Variants in CSNK1D observed in about 807,000 individuals in gnomAD.
CSNK1D encodes the protein casein kinase 1 delta, also known as casein kinase I isoform delta.
In CSNK1D, 16 loss-of-function variants were observed where a neutral mutation model predicts 46.6. That is an observed-to-expected ratio of 0.34 (90% CI 0.23 to 0.52). The LOEUF (loss-of-function observed/expected upper bound fraction) is 0.52. Among genes scored for constraint, CSNK1D ranks in the 20% least tolerant of loss-of-function variants. The pLI is 0.95. For synonymous variants in CSNK1D, 276 were observed against 228.2 expected (o/e 1.21, Z -1.89); for missense variants, 398 against 578.4 (o/e 0.69, Z 3.20).
downstream of CSNK1D, among the ~76,000 whole-genome samples, chr17:82,240,640 C>T (rs1239816863): frequency 6.6e-6 from 1 of 152,206 alleles, no homozygotes; most frequent in Non-Finnish European, 1.5e-5. Context: ...TCGTCTGCCC[C>T]ACTCTGGTCC....
In CSNK1D at chr17:82,272,601, T is replaced by C. The variant is rs2051657280; in HGVS notation, c.76+705A>G. Among the ~76,000 whole-genome samples, 3 of 152,214 alleles carry C rather than the reference T, an allele frequency of 2.0e-5. No individual in the cohort carries two copies. In the South Asian group the frequency reaches 6.2e-4, roughly 32 times the overall value. ...TTCACCTAAACTTAACCCTTGCTCA[T>C]TTGCACTCAGTCACCGCTCCAAGGC... On this transcript the variant is annotated intron_variant, in intron 1 of 8. Transcript: ENST00000314028.
chr17:82,239,097 G>A (rs2050697603), downstream of CSNK1D: 1 of 950,850 alleles, frequency 1.1e-6, no homozygotes, highest in Non-Finnish European at 1.5e-6. Context: ...TGCCGGCCCA[G>A]CGGATCGTCG....
chr17:82,242,216 G>A (rs112967906), downstream of CSNK1D, among the ~76,000 whole-genome samples: 36 of 151,850 alleles, frequency 2.4e-4, no homozygotes, highest in Admixed American at 1.6e-3. Context: ...GTGCTCTGGG[G>A]GGGGGGGGAA....
Position 82,249,145 on chromosome 17 carries a change from G to T in CSNK1D, c.1058-131C>A. On this transcript the variant is annotated intron_variant, in intron 7 of 8. Transcript: ENST00000314028. The surrounding 1 kb of genome is among the most constrained non-coding windows in gnomAD (Gnocchi z 6.7). ...AGTCAGGACCTGGCTGTGGCCGATG[G>T]CCACCAACACTCAGATCCGGCCGGA... 1 of 1,152,638 alleles carries T rather than the reference G, an allele frequency of 8.7e-7. No homozygotes were observed. Among genetic ancestry groups the T allele is most frequent in the Non-Finnish European group, 1.2e-6 (1 of 823,288 alleles). 71.4% of individuals were successfully genotyped at this position (1,152,638 alleles called of 1,614,324 possible). A position where few individuals can be genotyped will look rare whatever the true frequency, so the allele number is the denominator to read the frequency against.
Position 82,244,002 on chromosome 17 carries a change from C to A in CSNK1D, c.*779G>T, listed in dbSNP as rs1187082557. ...GCTTTGCCTGGTAACACCCACTGCA[C>A]CCCTGCCCCGCGGCAGCCTGCGGTC... On this transcript the variant is annotated 3_prime_UTR_variant, in exon 9 of 9. Transcript: ENST00000314028. The A allele has an allele frequency of 1.0e-6, 1 of 987,164 alleles. No homozygotes were observed. Among genetic ancestry groups the A allele is most frequent in the African/African-American group, 1.7e-5 (1 of 57,230 alleles). 61.2% of individuals were successfully genotyped at this position (987,164 alleles called of 1,614,324 possible).
Position 82,253,261 on chromosome 17 carries a change from G to A in CSNK1D, c.337-17C>T, listed in dbSNP as rs1363654723. ...GCGACTGATCTGTGAGCAGAGCAAG[G>A]GCGCGAGATGGCACCCCAGGGCAGT... On this transcript the variant is annotated splice_polypyrimidine_tract_variant and intron_variant, in intron 3 of 8. Coordinates refer to ENST00000314028, the MANE Select transcript of CSNK1D (RefSeq NM_001893.6). 6 of 1,600,292 alleles carry A rather than the reference G, an allele frequency of 3.7e-6. No homozygotes were observed. In the South Asian group the frequency reaches 5.5e-5, roughly 15 times the overall value.
intron 8 of CSNK1D, chr17:82,245,069 C>T (rs988203031): frequency 4.8e-6 from 3 of 620,098 alleles, no homozygotes; most frequent in East Asian, 5.5e-5. Flanking sequence ...GCCCGCGGAG[C>T]CGGGCTCGGC....
chr17:82,265,613 C>G lies in CSNK1D; in HGVS notation c.187+73G>C, dbSNP rs929907523. The G allele has an allele frequency of 8.3e-6, 10 of 1,208,390 alleles. No individual in the cohort carries two copies. The South Asian group carries it at 1.1e-4, about 13-fold the overall frequency. The allele number at this position is 1,208,390 out of a possible 1,614,324, so 74.9% of individuals were successfully genotyped here. A position where few individuals can be genotyped will look rare whatever the true frequency, so the allele number is the denominator to read the frequency against. On this transcript the variant is annotated intron_variant, in intron 2 of 8. Transcript: ENST00000314028. ...GAACCAGTTTTGGGTTTATTTTAAC[C>G]AGCAATGCTGAGTTGCTGTTCTCCC...
At chr17:82,253,661 T>C in intron 3 of CSNK1D, 1 of 350,008 alleles carries the variant, frequency 2.9e-6, no homozygotes, top group Non-Finnish European at 5.5e-6. Context: ...GCTATGCTGG[T>C]ACCGAGAAGG....
In CSNK1D at chr17:82,251,460, G is replaced by A; in HGVS notation, c.804C>T (p.Tyr268=). 1 of 1,614,166 alleles carries A rather than the reference G, an allele frequency of 6.2e-7. No homozygotes were observed. The highest frequency in any genetic ancestry group is 8.5e-7 in the Non-Finnish European group (1 of 1,180,020). Residue 268 remains tyrosine, a synonymous_variant, in exon 6 of 9, where the codon TAC becomes TAT. Transcript: ENST00000314028. The surrounding 1 kb of genome is among the most constrained non-coding windows in gnomAD (Gnocchi z 4.5). ...ACAGATTCCGGAAAAGCTGCCGCAG[G>A]TACGAGTAGTCAGGCTTGTCGTCAA... ...LRFDDKPDYS[Y]LRQLFRNLFH...
downstream of CSNK1D, chr17:82,239,238 G>A: frequency 3.8e-6 from 1 of 266,484 alleles, no homozygotes; most frequent in Non-Finnish European, 7.1e-6. Context: ...CTCCCAGGTG[G>A]CCTGCGGCCA....
At position 82,252,930 on chromosome 17, in the gene CSNK1D, C is replaced by G. The variant is rs1289710990; in HGVS notation, c.565+86G>C. 8.0e-7 allele frequency: 1 copy of G among 1,254,078 alleles called. No homozygotes were observed. The highest frequency in any genetic ancestry group is 1.2e-6 in the Non-Finnish European group (1 of 868,148). The allele number at this position is 1,254,078 out of a possible 1,614,324, so 77.7% of individuals were successfully genotyped here. A position where few individuals can be genotyped will look rare whatever the true frequency, so the allele number is the denominator to read the frequency against. On this transcript the variant is annotated intron_variant, in intron 4 of 8. Coordinates refer to ENST00000314028, the MANE Select transcript of CSNK1D (RefSeq NM_001893.6). The surrounding 1 kb of genome is among the most constrained non-coding windows in gnomAD (Gnocchi z 4.6). ...TGATGACACGCTTGCAGCCCCAGCTCCCCGAGAGGCTGGCCTCTCCCTGGG... is the reference window on the plus strand; with the variant it reads ...TGATGACACGCTTGCAGCCCCAGCTGCCCGAGAGGCTGGCCTCTCCCTGGG...
chr17:82,253,834 C>G (rs539118499), intron 3 of CSNK1D: 109 of 272,240 alleles, frequency 4.0e-4, no homozygotes, highest in Middle Eastern at 1.5e-3. Context: ...GTGAGCTGAG[C>G]CGCCGGAGCC....
At position 82,255,232 on chromosome 17, in the gene CSNK1D, TCGAGAAGCCAGTGAG is replaced by T; in HGVS notation, c.336+182_336+196del. 1 of 696,212 alleles carries T rather than the reference TCGAGAAGCCAGTGAG, an allele frequency of 1.4e-6. No individual in the cohort carries two copies. Among genetic ancestry groups the T allele is most frequent in the East Asian group, 2.8e-5 (1 of 35,732 alleles). 43.1% of individuals were successfully genotyped at this position (696,212 alleles called of 1,614,324 possible). A position where few individuals can be genotyped will look rare whatever the true frequency, so the allele number is the denominator to read the frequency against. On this transcript the variant is annotated intron_variant, in intron 3 of 8. Coordinates refer to ENST00000314028, the MANE Select transcript of CSNK1D (RefSeq NM_001893.6). The surrounding 1 kb of genome is among the most constrained non-coding windows in gnomAD (Gnocchi z 5.9). Reference sequence around the variant, plus strand: ...GCCAGTGAGCTGGGCCGCCGGAGCCTCGAGAAGCCAGTGAGCGGAGCCACCGGAGCCTCGAGAAGC... The same window carrying T: ...GCCAGTGAGCTGGGCCGCCGGAGCCTCGGAGCCACCGGAGCCTCGAGAAGC...
At chr17:82,260,338 G>A (rs931330396) in intron 2 of CSNK1D, among the ~76,000 whole-genome samples, 1 of 139,070 alleles carries the variant, frequency 7.2e-6, no homozygotes, top group African/African-American at 2.5e-5. Context: ...GACTGATGGT[G>A]TACTGACTGA....
downstream of CSNK1D, chr17:82,239,954 C>T (rs527481582): frequency 5.0e-3 from 6,077 of 1,226,740 alleles, 24 homozygotes; most frequent in Non-Finnish European, 5.7e-3. Flanking sequence ...GCTGGGAGCC[C>T]GGTCAGAGGC....
At chr17:82,257,801 G>A (rs1041079938) in intron 2 of CSNK1D, among the ~76,000 whole-genome samples, 15 of 152,212 alleles carry the variant, frequency 9.9e-5, no homozygotes, top group South Asian at 2.1e-4. Flanking sequence ...CTCAATGTCC[G>A]GCATCCAAAG....
chr17:82,243,867 G>A lies in CSNK1D; in HGVS notation c.*914C>T, dbSNP rs536103153. ...AGTCCTCTCCCAAGGGACCAGAAAC[G>A]CATCTTCCACCTTGAATCCTGGGAC... On this transcript the variant is annotated 3_prime_UTR_variant, in exon 9 of 9. Coordinates refer to ENST00000314028, the MANE Select transcript of CSNK1D (RefSeq NM_001893.6). 41 of 985,620 alleles carry A rather than the reference G, an allele frequency of 4.2e-5. No homozygotes were observed. Among genetic ancestry groups the A allele is most frequent in the Middle Eastern group, 5.2e-4 (1 of 1,916 alleles). 61.1% of individuals were successfully genotyped at this position (985,620 alleles called of 1,614,324 possible). A position where few individuals can be genotyped will look rare whatever the true frequency, so the allele number is the denominator to read the frequency against.
intron 8 of CSNK1D, chr17:82,246,291 T>C: frequency 2.2e-6 from 3 of 1,392,486 alleles, no homozygotes; most frequent in Non-Finnish European, 2.8e-6. Flanking sequence ...CAGGCCCTCC[T>C]GAGTCTTCTC....
Sources: gnomAD v4.1 joint callset for allele counts (sites outside exome capture counted in the v4.1 genomes callset) on GRCh38, gnomAD v4.1.1 for gene constraint, Gnocchi (gnomAD v3.1) non-coding constraint, MANE v1.5 for transcripts, NCBI Gene and HGNC (gene_info 2026-07-23, HGNC 2026-07-21) for gene names.